C2orf49: variants seen among roughly 807,000 people sequenced by gnomAD.
C2orf49 encodes the protein tRNA splicing ligase complex subunit 2.
In C2orf49, 11 loss-of-function variants were observed where a neutral mutation model predicts 20.6. The ratio of observed to expected loss-of-function variants is 0.53; its 90% CI spans 0.34 to 0.88. The LOEUF (loss-of-function observed/expected upper bound fraction) is 0.88. C2orf49 is among the 40% of genes least tolerant of loss of function. The pLI, the probability that C2orf49 is intolerant of heterozygous loss-of-function variation, is 0.02. For synonymous variants in C2orf49, 134 were observed against 108.5 expected (o/e 1.24, Z -1.46); for missense variants, 289 against 274.2 (o/e 1.05, Z -0.38).
At chr2:105,368,151 C>T in the C2orf49 span, among the ~76,000 whole-genome samples, 1 of 152,128 alleles carries the variant, frequency 6.6e-6, no homozygotes, top group African/African-American at 2.4e-5. Context: ...TGATAATGAA[C>T]ACCCCGTCTG....
Position 105,342,699 on chromosome 2 carries a change from G to C in C2orf49, c.267-149G>C, listed in dbSNP as rs527623969. 1.1e-4 allele frequency: 81 copies of C among 708,932 alleles called. No individual in the cohort carries two copies. In the African/African-American group the frequency reaches 1.2e-3, roughly 10 times the overall value. 43.9% of individuals were successfully genotyped at this position (708,932 alleles called of 1,614,324 possible). A position where few individuals can be genotyped will look rare whatever the true frequency, so the allele number is the denominator to read the frequency against. On this transcript the variant is annotated intron_variant, in intron 2 of 3. Coordinates refer to ENST00000258457, the MANE Select transcript of C2orf49 (RefSeq NM_024093.3). ...AAACACTAGGAAATTCTTTCATTTA[G>C]AATGAACATAGAAAATTTCATTTTT...
At chr2:105,368,000 G>A in the C2orf49 span, among the ~76,000 whole-genome samples, 5 of 152,150 alleles carry the variant, frequency 3.3e-5, no homozygotes, top group South Asian at 2.1e-4. Context: ...ATTGAATACC[G>A]TGGTTAGGAA....
the C2orf49 span, among the ~76,000 whole-genome samples, chr2:105,382,862 T>TG: frequency 1.3e-5 from 2 of 152,176 alleles, no homozygotes; most frequent in Non-Finnish European, 2.9e-5. Context: ...AGCAGCTGTC[T>TG]CTGGAGTTAT....
intron 1 of C2orf49, 23 bp downstream of exon 1, chr2:105,337,709 GTGGGC>G: frequency 2.7e-6 from 1 of 365,846 alleles, no homozygotes; most frequent in South Asian, 2.0e-5. Flanking sequence ...GGATCGGAGG[GTGGGC>G]GGGTGGGCCT....
Position 105,346,656 on chromosome 2 carries a change from G to A in C2orf49, c.*1285G>A, listed in dbSNP as rs1169546141. ...TTAGCGTAATATGGAGTAGGCAATA[G>A]AGGAGCTACTGGAGTCAGAAGTCAC... On this transcript the variant is annotated 3_prime_UTR_variant, in exon 4 of 4. Transcript: ENST00000258457. The A allele has an allele frequency of 6.6e-6, 1 of 152,198 alleles. No homozygotes were observed. Among genetic ancestry groups the A allele is most frequent in the Non-Finnish European group, 1.5e-5 (1 of 68,038 alleles). 9.4% of individuals were successfully genotyped at this position (152,198 alleles called of 1,614,324 possible). A position where few individuals can be genotyped will look rare whatever the true frequency, so the allele number is the denominator to read the frequency against.
In C2orf49 at chr2:105,345,401, G is replaced by A; in HGVS notation, c.*30G>A. Reference sequence around the variant, plus strand: ...AAGTTTCCAAAAATGTAAATATACTGTAACTGTAGTTTTTCAAATATGTTC... The same window carrying A: ...AAGTTTCCAAAAATGTAAATATACTATAACTGTAGTTTTTCAAATATGTTC... On this transcript the variant is annotated 3_prime_UTR_variant, in exon 4 of 4. Coordinates refer to ENST00000258457, the MANE Select transcript of C2orf49 (RefSeq NM_024093.3). The A allele has an allele frequency of 1.3e-6, 2 of 1,511,594 alleles. No homozygotes were observed. The highest frequency in any genetic ancestry group is 1.8e-6 in the Non-Finnish European group (2 of 1,093,476). 93.6% of individuals were successfully genotyped at this position (1,511,594 alleles called of 1,614,324 possible).
the C2orf49 span, chr2:105,361,146 C>T: frequency 3.6e-5 from 31 of 866,466 alleles, no homozygotes; most frequent in African/African-American, 6.7e-5. Flanking sequence ...TTTAAGCAAA[C>T]GTGAGTATCA....
the C2orf49 span, chr2:105,367,483 C>T: frequency 3.7e-6 from 5 of 1,369,408 alleles, no homozygotes; most frequent in South Asian, 4.2e-5. Context: ...CACAGGTATC[C>T]TTGGTTTTGG....
the C2orf49 span, among the ~76,000 whole-genome samples, chr2:105,373,214 A>T: frequency 1.3e-5 from 2 of 152,242 alleles, no homozygotes; most frequent in Non-Finnish European, 2.9e-5. Context: ...GTACAAATTC[A>T]GCAGGTAGAA....
chr2:105,364,652 G>A, the C2orf49 span, among the ~76,000 whole-genome samples: 21,225 of 152,212 alleles, frequency 0.14, 1,818 homozygotes, highest in South Asian at 0.24. Context: ...CTTGGCAAAC[G>A]AAGGCTGTGG....
At chr2:105,344,740 C>G (rs1458238859) in intron 3 of C2orf49, among the ~76,000 whole-genome samples, 1 of 150,482 alleles carries the variant, frequency 6.6e-6, no homozygotes, top group Non-Finnish European at 1.5e-5. Context: ...CCACCACACC[C>G]AGCTAATTTT....
intron 3 of C2orf49, among the ~76,000 whole-genome samples, 193 bp downstream of exon 3, chr2:105,343,416 G>A (rs1346290437): frequency 2.0e-5 from 3 of 152,188 alleles, no homozygotes; most frequent in Non-Finnish European, 2.9e-5. Flanking sequence ...GGTGATTAAT[G>A]TTTTTAAAAG....
At position 105,347,299 on chromosome 2, in the gene C2orf49, G is replaced by C. The variant is rs1369501314; in HGVS notation, c.*1928G>C. ...TGCAAAAGGGGATTTTAAAAGTGCA[G>C]ATTATAGAGTAGATTGACAAATTTT... is the stretch of plus-strand genomic sequence containing the variant. On this transcript the variant is annotated 3_prime_UTR_variant, in exon 4 of 4. Transcript: ENST00000258457. 6.6e-6 allele frequency: 1 copy of C among 152,210 alleles called. No individual in the cohort carries two copies. The highest frequency in any genetic ancestry group is 1.5e-5 in the Non-Finnish European group (1 of 68,024). 9.4% of individuals were successfully genotyped at this position (152,210 alleles called of 1,614,324 possible). A position where few individuals can be genotyped will look rare whatever the true frequency, so the allele number is the denominator to read the frequency against.
the C2orf49 span, among the ~76,000 whole-genome samples, chr2:105,355,770 T>TTGTG: frequency 0.057 from 8,110 of 143,020 alleles, 258 homozygotes; most frequent in East Asian, 0.062. Context: ...AGAAAAAATT[T>TTGTG]TGTGTGTGTG....
At chr2:105,380,167 T>C in the C2orf49 span, among the ~76,000 whole-genome samples, 4 of 152,170 alleles carry the variant, frequency 2.6e-5, no homozygotes, top group African/African-American at 4.8e-5. Flanking sequence ...TTGGCCAACA[T>C]GGTATTCTCT....
downstream of C2orf49, among the ~76,000 whole-genome samples, chr2:105,353,370 G>T (rs1679982265): frequency 6.6e-6 from 1 of 152,174 alleles, no homozygotes. Context: ...CAGGGATGAA[G>T]TCAGTCTGCT....
chr2:105,338,357 C>G lies in C2orf49; in HGVS notation c.99+671C>G, dbSNP rs560003085. 1.8e-4 allele frequency among the ~76,000 whole-genome samples: 28 copies of G among 152,054 alleles called. 1 individual carries two copies. The South Asian group carries it at 5.2e-3, about 28-fold the overall frequency. ...TATGGCTTTCCCCTTAGTACCCTAT[C>G]TTTGTTGAATTTCAGGTCCTCTTGC... On this transcript the variant is annotated intron_variant, in intron 1 of 3. Transcript: ENST00000258457.
chr2:105,341,243 T>C (rs908866729), intron 2 of C2orf49, among the ~76,000 whole-genome samples: 1 of 152,254 alleles, frequency 6.6e-6, no homozygotes, highest in Non-Finnish European at 1.5e-5. Context: ...AGCAAAACTT[T>C]ATGTGCCAGT....
chr2:105,366,135 A>G, the C2orf49 span, among the ~76,000 whole-genome samples: 1 of 152,042 alleles, frequency 6.6e-6, no homozygotes, highest in Non-Finnish European at 1.5e-5. Context: ...GCTCGAACCC[A>G]AGAGGCGGAG....
Sources: allele counts gnomAD v4.1 joint callset (sites outside exome capture counted in the v4.1 genomes callset), GRCh38; gene constraint gnomAD v4.1.1; transcripts MANE v1.5; gene names NCBI Gene and HGNC (gene_info 2026-07-23, HGNC 2026-07-21).